Variants in HYCC2 observed in about 807,000 individuals in gnomAD.
The protein encoded by HYCC2 is hyccin 2.
At chr2:200,974,601 G>GT in the HYCC2 span, 2 of 151,784 alleles carry the variant, frequency 1.3e-5, no homozygotes, top group Non-Finnish European at 2.9e-5. Flanking sequence ...ACCCAAACCT[G>GT]TATCAGTGAT....
At chr2:200,997,470 G>C in the HYCC2 span, 21 of 1,611,688 alleles carry the variant, frequency 1.3e-5, no homozygotes, top group African/African-American at 2.1e-4. Context: ...CAAAGAGATT[G>C]GTAAGATGAG....
At chr2:200,979,472 G>C in the HYCC2 span, 1 of 151,618 alleles carries the variant, frequency 6.6e-6, no homozygotes, top group Non-Finnish European at 1.5e-5. Flanking sequence ...CTAACAGAAA[G>C]TCTCTTAGGG....
the HYCC2 span, among the ~76,000 whole-genome samples, chr2:201,050,599 G>GAAAAAAAAA: frequency 1.4e-5 from 1 of 71,598 alleles, no homozygotes. Context: ...CTCAAAAAAA[G>GAAAAAAAAA]AAAAAAAAAA....
the HYCC2 span, chr2:200,976,727 A>T: frequency 6.6e-6 from 1 of 152,314 alleles, no homozygotes; most frequent in African/African-American, 2.4e-5. Context: ...ACTTTAAATG[A>T]CATCATGGTC....
the HYCC2 span, among the ~76,000 whole-genome samples, chr2:200,999,407 C>G: frequency 6.6e-6 from 1 of 150,768 alleles, no homozygotes; most frequent in Non-Finnish European, 1.5e-5. Context: ...TTTTTTGAGA[C>G]AGAGTCTCGG....
the HYCC2 span, chr2:201,022,640 T>C: frequency 9.2e-6 from 4 of 433,510 alleles, no homozygotes; most frequent in East Asian, 4.0e-5. Context: ...AGGAAAAAAT[T>C]TGACCAAAAC....
chr2:200,997,433 C>A, the HYCC2 span: 2 of 1,514,116 alleles, frequency 1.3e-6, no homozygotes, highest in Admixed American at 1.7e-5. Flanking sequence ...TAGTAATAAT[C>A]ACTCTTCTCA....
At chr2:201,025,248 G>A in the HYCC2 span, among the ~76,000 whole-genome samples, 5 of 152,230 alleles carry the variant, frequency 3.3e-5, no homozygotes, top group African/African-American at 7.2e-5. Context: ...GGCAGCTGCC[G>A]AAAAGCTAAA....
chr2:201,014,635 T>G, the HYCC2 span, among the ~76,000 whole-genome samples: 1 of 152,214 alleles, frequency 6.6e-6, no homozygotes, highest in Non-Finnish European at 1.5e-5. Context: ...TCTAAAGCCC[T>G]TGCTCCTTCC....
chr2:201,038,249 A>G, the HYCC2 span, among the ~76,000 whole-genome samples: 1 of 152,128 alleles, frequency 6.6e-6, no homozygotes, highest in Non-Finnish European at 1.5e-5. Context: ...AACAACAGGT[A>G]CTGGAGAGGA....
chr2:200,981,658 G>C, the HYCC2 span: 1 of 1,614,056 alleles, frequency 6.2e-7, no homozygotes, highest in Non-Finnish European at 8.5e-7. This position sits in a 1 kb window ranked among gnomAD's most constrained non-coding sequence, Gnocchi z 4.5. Flanking sequence ...GCGAACTACT[G>C]AATCTCGAGG....
At chr2:201,033,159 A>ATGTGTGTGTG in the HYCC2 span, among the ~76,000 whole-genome samples, 65 of 117,938 alleles carry the variant, frequency 5.5e-4, no homozygotes, top group African/African-American at 1.8e-3. Flanking sequence ...ATGTGTGTGT[A>ATGTGTGTGTG]TGTGTGTGTG....
At chr2:200,984,416 A>G in the HYCC2 span, among the ~76,000 whole-genome samples, 3 of 152,250 alleles carry the variant, frequency 2.0e-5, no homozygotes, top group African/African-American at 7.2e-5. Flanking sequence ...AAAGTAAGTG[A>G]TGGGCTTATA....
chr2:200,977,787 G>A, the HYCC2 span: 1 of 152,274 alleles, frequency 6.6e-6, no homozygotes, highest in African/African-American at 2.4e-5. Context: ...GGGAGGTTGA[G>A]GCTGCAGTGA....
the HYCC2 span, chr2:200,987,519 G>A: frequency 7.8e-7 from 1 of 1,289,768 alleles, no homozygotes; most frequent in Non-Finnish European, 1.0e-6. Flanking sequence ...CCTCGTTTGA[G>A]AAGTCAAAGC....
the HYCC2 span, among the ~76,000 whole-genome samples, chr2:201,037,963 G>C: frequency 6.6e-6 from 1 of 152,026 alleles, no homozygotes; most frequent in African/African-American, 2.4e-5. Flanking sequence ...GCAACCTACA[G>C]AATGAGAGAA....
At chr2:201,041,761 G>C in the HYCC2 span, among the ~76,000 whole-genome samples, 1 of 152,102 alleles carries the variant, frequency 6.6e-6, no homozygotes, top group East Asian at 1.9e-4. Flanking sequence ...ATGATTTCTG[G>C]ATGTAAGACG....
the HYCC2 span, among the ~76,000 whole-genome samples, chr2:200,989,183 A>G: frequency 4.6e-5 from 7 of 152,340 alleles, no homozygotes; most frequent in African/African-American, 1.7e-4. Flanking sequence ...AAAGGGTATT[A>G]TTACTGGGTC....
At chr2:201,035,840 G>A in the HYCC2 span, among the ~76,000 whole-genome samples, 2 of 152,134 alleles carry the variant, frequency 1.3e-5, no homozygotes, top group Non-Finnish European at 2.9e-5. Context: ...CTCAGCTGCA[G>A]GTCTGTTGGA....
Sources: allele counts gnomAD v4.1 joint callset (sites outside exome capture counted in the v4.1 genomes callset), GRCh38; gene constraint gnomAD v4.1.1; non-coding constraint Gnocchi (gnomAD v3.1); transcripts MANE v1.5; gene names NCBI Gene and HGNC (gene_info 2026-07-23, HGNC 2026-07-21).